UTS2B: variants seen among roughly 807,000 people sequenced by gnomAD.
UTS2B encodes urotensin-2B.
UTS2B carries 21 observed loss-of-function variants against 19.2 expected under a neutral mutation model. The observed-to-expected ratio is 1.09, with a 90% confidence interval of 0.78 to 1.58. The LOEUF (loss-of-function observed/expected upper bound fraction) is 1.58. Ranked by LOEUF, UTS2B falls within the 40% of genes most tolerant of loss-of-function variation. UTS2B has a pLI of 0.00. For missense variants in UTS2B, 138 were observed against 130.3 expected (o/e 1.06, Z -0.29); for synonymous variants, 57 against 50.2 (o/e 1.14, Z -0.58).
chr3:191,300,238 T>C (rs903062953), intron 4 of UTS2B, among the ~76,000 whole-genome samples: 23 of 151,970 alleles, frequency 1.5e-4, no homozygotes, highest in African/African-American at 5.3e-4. Context: ...TTAGTAGACA[T>C]GGGGTTTCAC....
chr3:191,313,138 G>A (rs1007641157), intron 3 of UTS2B, among the ~76,000 whole-genome samples: 1 of 151,942 alleles, frequency 6.6e-6, no homozygotes, highest in South Asian at 2.1e-4. Flanking sequence ...GGGATTACAG[G>A]CACCTGTCAC....
upstream of UTS2B, among the ~76,000 whole-genome samples, chr3:191,335,308 T>C (rs1169390950): frequency 6.6e-6 from 1 of 152,154 alleles, no homozygotes; most frequent in African/African-American, 2.4e-5. Flanking sequence ...TTCAAACAAC[T>C]ATATTTGCTG....
intron 2 of UTS2B, among the ~76,000 whole-genome samples, 164 bp from the exon 3 acceptor site, chr3:191,316,603 G>A (rs977902045): frequency 2.6e-5 from 4 of 152,230 alleles, no homozygotes; most frequent in Non-Finnish European, 4.4e-5. Flanking sequence ...ACAAAGAGCG[G>A]ATTGGTCCAT....
intron 4 of UTS2B, among the ~76,000 whole-genome samples, chr3:191,290,902 C>CTTA (rs1428301874): frequency 6.6e-6 from 1 of 152,060 alleles, no homozygotes; most frequent in Non-Finnish European, 1.5e-5. Context: ...AGCTCTTGGC[C>CTTA]TTATTACTTT....
Position 191,319,860 on chromosome 3 carries a change from T to C in UTS2B, c.-585-3421A>G, listed in dbSNP as rs551024644. Among the ~76,000 whole-genome samples the C allele has an allele frequency of 9.4e-5, 14 of 148,712 alleles. No homozygotes were observed. The East Asian group carries it at 2.7e-3, about 29-fold the overall frequency. On this transcript the variant is annotated intron_variant, in intron 2 of 8. Transcript: ENST00000340524. ...ACCAGCCCAGGCAACAGTGCGAGAC[T>C]TGGTCTCAAAAAAAAAAAAAAGCCA...
chr3:191,324,110 G>A (rs1375634294), intron 2 of UTS2B, among the ~76,000 whole-genome samples: 2 of 152,108 alleles, frequency 1.3e-5, no homozygotes, highest in African/African-American at 2.4e-5. Context: ...TCACTAATGG[G>A]TTCTCATTGG....
intron 2 of UTS2B, among the ~76,000 whole-genome samples, chr3:191,322,985 T>G (rs1445648579): frequency 1.3e-5 from 2 of 152,104 alleles, no homozygotes; most frequent in Non-Finnish European, 2.9e-5. Context: ...TTTGGTGCTA[T>G]GTTTGTGCTT....
intron 1 of UTS2B, chr3:191,329,639 C>T (rs1576942144): frequency 3.1e-6 from 5 of 1,595,024 alleles, no homozygotes; most frequent in East Asian, 4.6e-5. Context: ...GACCGGGAAG[C>T]CCGCGTTAAA....
intron 4 of UTS2B, among the ~76,000 whole-genome samples, chr3:191,294,140 C>T (rs1027015940): frequency 1.3e-5 from 2 of 151,398 alleles, no homozygotes; most frequent in African/African-American, 4.9e-5. Flanking sequence ...AACAAACAAA[C>T]AAACAAAGTG....
At chr3:191,337,794 C>A in the UTS2B span, among the ~76,000 whole-genome samples, 1 of 151,868 alleles carries the variant, frequency 6.6e-6, no homozygotes, top group African/African-American at 2.4e-5. Flanking sequence ...TCATGAGTAT[C>A]CAACAGATTT....
intron 2 of UTS2B, among the ~76,000 whole-genome samples, chr3:191,322,290 A>T (rs1428123935): frequency 6.6e-6 from 1 of 152,214 alleles, no homozygotes; most frequent in African/African-American, 2.4e-5. Flanking sequence ...CAATGTGGTC[A>T]GTGATTTAGA....
chr3:191,299,271 C>T (rs1421724053), intron 4 of UTS2B, among the ~76,000 whole-genome samples: 1 of 152,200 alleles, frequency 6.6e-6, no homozygotes, highest in Non-Finnish European at 1.5e-5. Context: ...AAGAAAAAGG[C>T]CTCCAAGGCA....
intron 7 of UTS2B, 132 bp from the exon 8 acceptor site, chr3:191,275,477 A>T: frequency 1.5e-6 from 1 of 646,144 alleles, no homozygotes; most frequent in Non-Finnish European, 2.8e-6. Flanking sequence ...TCAGGCGATC[A>T]AGACCATCCT....
At chr3:191,319,703 CAA>C (rs10669169) in intron 2 of UTS2B, among the ~76,000 whole-genome samples, 7 of 134,882 alleles carry the variant, frequency 5.2e-5, no homozygotes, top group Non-Finnish European at 6.3e-5. Flanking sequence ...GCTAAAAATA[CAA>C]AAAAAAAAAA....
intron 3 of UTS2B, among the ~76,000 whole-genome samples, chr3:191,306,429 T>C (rs1381685088): frequency 1.3e-5 from 2 of 152,206 alleles, no homozygotes; most frequent in Non-Finnish European, 1.5e-5. Flanking sequence ...CCATCATCTA[T>C]TTTATAGTTT....
At chr3:191,334,787 A>G (rs1434635760), upstream of UTS2B, among the ~76,000 whole-genome samples, 1 of 152,136 alleles carries the variant, frequency 6.6e-6, no homozygotes, top group East Asian at 1.9e-4. Flanking sequence ...GATATGCCAT[A>G]TGTTTAAGAC....
chr3:191,284,737 C>A (rs1294732247), intron 4 of UTS2B, among the ~76,000 whole-genome samples: 1 of 151,670 alleles, frequency 6.6e-6, no homozygotes, highest in Non-Finnish European at 1.5e-5. Context: ...TTTTGTTTCA[C>A]ATCTTTTTTT....
chr3:191,282,109 A>C lies in UTS2B; in HGVS notation c.81T>G (p.His27Gln). 1 of 1,613,278 alleles carries C rather than the reference A, an allele frequency of 6.2e-7. No homozygotes were observed. The highest frequency in any genetic ancestry group is 1.3e-5 in the African/African-American group (1 of 75,038). ...LSVLSFLQSV[H>Q]GRPYLTQGNE... is the part of the protein sequence containing the mutation. ...TACCTTGGGTAAGATATGGTCGTCC[A>C]TGCACAGATTGTAAAAAACTCAACA... The change falls in exon 5 of 9, where the codon CAT (histidine) becomes CAG (glutamine). Residue 27 changes from histidine (H) to glutamine (Q), a missense_variant. His to Gln is a conservative substitution (Grantham distance 24). Transcript: ENST00000340524.
At chr3:191,272,072 C>G (rs190611495) in intron 8 of UTS2B, among the ~76,000 whole-genome samples, 1 of 152,202 alleles carries the variant, frequency 6.6e-6, no homozygotes, top group Non-Finnish European at 1.5e-5. Flanking sequence ...ACATTGGAGA[C>G]CACGTGTTCC....
Sources: gnomAD v4.1 joint callset for allele counts (sites outside exome capture counted in the v4.1 genomes callset) on GRCh38, gnomAD v4.1.1 for gene constraint, MANE v1.5 for transcripts, NCBI Gene and HGNC (gene_info 2026-07-23, HGNC 2026-07-21) for gene names.